SYT1: variants seen among roughly 807,000 people sequenced by gnomAD.
SYT1 encodes the protein synaptotagmin-1.
A neutral mutation model predicts 44.8 loss-of-function variants in SYT1; 8 were observed. That is an observed-to-expected ratio of 0.18 (90% CI 0.10 to 0.32). SYT1 has a LOEUF of 0.32. SYT1 is among the 10% of genes least tolerant of loss of function. The pLI is 1.00. For synonymous variants in SYT1, 154 were observed against 188.8 expected, an observed-to-expected ratio of 0.82 and a Z score of 1.51; for missense variants, 286 against 509.3, an observed-to-expected ratio of 0.56 and a Z score of 4.22.
intron 2 of SYT1, among the ~76,000 whole-genome samples, chr12:79,004,479 T>A (rs2137543382): frequency 6.6e-6 from 1 of 152,114 alleles, no homozygotes; most frequent in Admixed American, 6.6e-5. Context: ...TATAAATTAC[T>A]TTAGTTAGCA....
intron 3 of SYT1, among the ~76,000 whole-genome samples, chr12:79,056,608 A>G (rs955069824): frequency 4.6e-5 from 7 of 152,066 alleles, no homozygotes; most frequent in African/African-American, 1.4e-4. Context: ...AGACCTAACC[A>G]AACTCTAGAC....
intron 3 of SYT1, among the ~76,000 whole-genome samples, chr12:79,200,791 T>C (rs1467013405): frequency 2.0e-5 from 3 of 152,196 alleles, no homozygotes; most frequent in Non-Finnish European, 2.9e-5. Flanking sequence ...ATAGAGTTTC[T>C]AGCTTCAGAG....
At chr12:79,272,020 G>C (rs971126269) in intron 4 of SYT1, among the ~76,000 whole-genome samples, 2 of 152,126 alleles carry the variant, frequency 1.3e-5, no homozygotes, top group African/African-American at 4.8e-5. Flanking sequence ...GATTTTAACA[G>C]ATGTATCCGA....
intron 4 of SYT1, among the ~76,000 whole-genome samples, chr12:79,219,709 T>C (rs900426529): frequency 6.6e-6 from 1 of 152,046 alleles, no homozygotes; most frequent in African/African-American, 2.4e-5. Context: ...TATGTGTCTG[T>C]TTTTATGCTT....
At chr12:79,403,084 C>T (rs996988963) in intron 9 of SYT1, among the ~76,000 whole-genome samples, 16 of 152,254 alleles carry the variant, frequency 1.1e-4, no homozygotes, top group East Asian at 7.7e-4. Context: ...CATTAGATGA[C>T]GGGTGTATAT....
chr12:79,019,026 G>T (rs1872001119), intron 2 of SYT1, among the ~76,000 whole-genome samples: 1 of 151,988 alleles, frequency 6.6e-6, no homozygotes, highest in South Asian at 2.1e-4. Flanking sequence ...CCTATTGAAA[G>T]TAGTACATGT....
At chr12:79,281,988 C>CA in intron 4 of SYT1, among the ~76,000 whole-genome samples, 1 of 152,172 alleles carries the variant, frequency 6.6e-6, no homozygotes, top group South Asian at 2.1e-4. Context: ...CAAGAGGCAC[C>CA]TGCATTCCTT....
chr12:79,344,609 C>A (rs1882525597), intron 8 of SYT1, among the ~76,000 whole-genome samples: 1 of 151,992 alleles, frequency 6.6e-6, no homozygotes, highest in South Asian at 2.1e-4. Context: ...CGCATCACAC[C>A]ACACCTGGCT....
chr12:79,078,784 T>C (rs1330380218), intron 3 of SYT1, among the ~76,000 whole-genome samples: 2 of 152,176 alleles, frequency 1.3e-5, no homozygotes, highest in Non-Finnish European at 2.9e-5. Flanking sequence ...ATACATCAGT[T>C]TGTGTATACA....
rs1366774346 is a variant in SYT1, at chr12:78,983,004, C to G, written c.-84+5073C>G. ...AGAGAGGTAGACTATTAACAAGGAACAAATATATAAATAATAAGACCCACC... is the reference window on the plus strand; with the variant it reads ...AGAGAGGTAGACTATTAACAAGGAAGAAATATATAAATAATAAGACCCACC... On this transcript the variant is annotated intron_variant, in intron 2 of 10. Coordinates refer to ENST00000261205, the MANE Select transcript of SYT1 (RefSeq NM_005639.3). Among the ~76,000 whole-genome samples the G allele has an allele frequency of 2.6e-5, 4 of 152,074 alleles. No individual in the cohort carries two copies. The South Asian group carries it at 6.2e-4, about 24-fold the overall frequency.
intron 9 of SYT1, among the ~76,000 whole-genome samples, chr12:79,380,894 A>G (rs1884191876): frequency 6.6e-6 from 1 of 152,166 alleles, no homozygotes; most frequent in South Asian, 2.1e-4. Flanking sequence ...CATATGTATG[A>G]TTCCAAATTT....
intron 1 of SYT1, among the ~76,000 whole-genome samples, chr12:78,928,075 A>G (rs1417904648): frequency 6.6e-6 from 1 of 152,160 alleles, no homozygotes; most frequent in East Asian, 1.9e-4. Context: ...AGGGAGAGAG[A>G]TAACTTAGAA....
chr12:79,331,647 A>G (rs958270824), intron 8 of SYT1, among the ~76,000 whole-genome samples: 18 of 152,164 alleles, frequency 1.2e-4, no homozygotes, highest in Admixed American at 9.2e-4. Context: ...TTATTAGACA[A>G]TAGTTACTAC....
At chr12:79,224,842 T>C (rs1750808101) in intron 4 of SYT1, among the ~76,000 whole-genome samples, 2 of 151,072 alleles carry the variant, frequency 1.3e-5, no homozygotes, top group South Asian at 4.2e-4. Flanking sequence ...TGCAATGGCG[T>C]GATCTCAGCT....
intron 9 of SYT1, among the ~76,000 whole-genome samples, chr12:79,397,470 C>T (rs1207747310): frequency 6.6e-6 from 1 of 152,174 alleles, no homozygotes; most frequent in Non-Finnish European, 1.5e-5. Flanking sequence ...TCACGTGATC[C>T]TTCCACTTCA....
chr12:78,945,795 T>C (rs762219425), intron 1 of SYT1, among the ~76,000 whole-genome samples: 1 of 152,122 alleles, frequency 6.6e-6, no homozygotes, highest in Admixed American at 6.6e-5. Context: ...TCCACCCTTA[T>C]TCAGTCCCTG....
At chr12:79,145,858 C>T (rs952061644) in intron 3 of SYT1, among the ~76,000 whole-genome samples, 5 of 150,922 alleles carry the variant, frequency 3.3e-5, no homozygotes, top group Admixed American at 6.6e-5. Context: ...CCCGGGTTCA[C>T]GCCATTCTCC....
chr12:78,865,566 G>T (rs866344730), intron 1 of SYT1, among the ~76,000 whole-genome samples: 2 of 1,756 alleles, frequency 1.1e-3, no homozygotes, highest in Admixed American at 0.014. Flanking sequence ...GAGGGATATG[G>T]GGGGGGGGGG....
At chr12:79,445,483 T>G (rs1870657555) in intron 10 of SYT1, among the ~76,000 whole-genome samples, 2 of 152,050 alleles carry the variant, frequency 1.3e-5, no homozygotes, top group South Asian at 4.1e-4. Flanking sequence ...TTTAGTATCC[T>G]TTGTTCTACC....
Sources: gnomAD v4.1 joint callset for allele counts (sites outside exome capture counted in the v4.1 genomes callset) on GRCh38, gnomAD v4.1.1 for gene constraint, MANE v1.5 for transcripts, NCBI Gene and HGNC (gene_info 2026-07-23, HGNC 2026-07-21) for gene names.